LRRTM3: variants seen among roughly 807,000 people sequenced by gnomAD.
LRRTM3 encodes the protein leucine rich repeat transmembrane neuronal 3, also known as leucine-rich repeat transmembrane neuronal protein 3.
LRRTM3 carries 24 observed loss-of-function variants against 44.7 expected under a neutral mutation model. The ratio of observed to expected loss-of-function variants is 0.54; its 90% CI spans 0.39 to 0.76. The LOEUF is 0.76. Among genes scored for constraint, LRRTM3 ranks in the 30% least tolerant of loss-of-function variants. LRRTM3 has a pLI of 0.00. For synonymous variants in LRRTM3, 277 were observed against 278.7 expected (o/e 0.99, Z 0.06); for missense variants, 587 against 702.2 (o/e 0.84, Z 1.85).
intron 2 of LRRTM3, among the ~76,000 whole-genome samples, chr10:66,936,948 AG>A (rs1847738589): frequency 6.6e-6 from 1 of 152,130 alleles, no homozygotes; most frequent in Non-Finnish European, 1.5e-5. Flanking sequence ...AGTTCTTCTT[AG>A]GCAAAGACCT....
intron 2 of LRRTM3, among the ~76,000 whole-genome samples, chr10:66,989,513 A>G (rs1850924717): frequency 1.3e-5 from 2 of 152,176 alleles, no homozygotes; most frequent in South Asian, 2.1e-4. Flanking sequence ...TGATTGTTAT[A>G]TATGTTTGGT....
chr10:67,078,982 C>T (rs1856891828), intron 2 of LRRTM3, among the ~76,000 whole-genome samples: 1 of 152,198 alleles, frequency 6.6e-6, no homozygotes, highest in African/African-American at 2.4e-5. Context: ...ATTTGGCTCC[C>T]ATTAAGAGTT....
rs1847065425 is a variant in LRRTM3, at chr10:66,926,258, CCA to C, written c.-325_-324del. ...TTTCGATAAGAAGAAATTGTAGGAT[CCA>C]GTTTTTTTTTTAACCGCCCCCTCCC... On this transcript the variant is annotated 5_prime_UTR_variant, in exon 1 of 3. Coordinates refer to ENST00000361320, the MANE Select transcript of LRRTM3 (RefSeq NM_178011.5). 6 of 509,830 alleles carry C rather than the reference CCA, an allele frequency of 1.2e-5. No homozygotes were observed. The highest frequency in any genetic ancestry group is 1.8e-5 in the Non-Finnish European group (5 of 279,642). 31.6% of individuals were successfully genotyped at this position (509,830 alleles called of 1,614,324 possible).
intron 2 of LRRTM3, among the ~76,000 whole-genome samples, chr10:67,057,666 G>A (rs1855520183): frequency 6.6e-6 from 1 of 152,102 alleles, no homozygotes; most frequent in African/African-American, 2.4e-5. Flanking sequence ...AGCACCCTCA[G>A]GAAAGTTGTA....
intron 1 of LRRTM3, 52 bp downstream of exon 1, chr10:66,926,639 C>T: frequency 1.3e-6 from 2 of 1,587,738 alleles, no homozygotes; most frequent in African/African-American, 1.3e-5. Flanking sequence ...AAACAAAAAA[C>T]CTCTAGTGTG....
intron 2 of LRRTM3, among the ~76,000 whole-genome samples, chr10:66,969,716 G>C (rs1435755151): frequency 1.3e-5 from 2 of 152,052 alleles, no homozygotes; most frequent in Non-Finnish European, 2.9e-5. Flanking sequence ...CTTCAAACTT[G>C]ATTGCTGGTG....
chr10:66,964,771 A>G (rs932113125), intron 2 of LRRTM3, among the ~76,000 whole-genome samples: 5 of 152,132 alleles, frequency 3.3e-5, no homozygotes, highest in Admixed American at 3.3e-4. Flanking sequence ...GTAGGAGGGA[A>G]AAGGGAGGAG....
intron 2 of LRRTM3, among the ~76,000 whole-genome samples, chr10:66,981,093 G>A (rs1850411227): frequency 6.6e-6 from 1 of 151,896 alleles, no homozygotes; most frequent in African/African-American, 2.4e-5. Flanking sequence ...TTACTAGAGA[G>A]GGATTTCTCC....
At chr10:67,055,017 G>A (rs1040519424) in intron 2 of LRRTM3, 6 of 151,712 alleles carry the variant, frequency 4.0e-5, no homozygotes, top group East Asian at 1.9e-4. Flanking sequence ...AGCTGACTTC[G>A]TTATAAAGAG....
intron 2 of LRRTM3, among the ~76,000 whole-genome samples, chr10:67,016,908 A>C (rs1056632070): frequency 2.6e-5 from 4 of 152,182 alleles, no homozygotes; most frequent in Non-Finnish European, 4.4e-5. Flanking sequence ...ATATCCTATC[A>C]AAATAAGTTT....
At chr10:67,023,680 A>G (rs913622875) in intron 2 of LRRTM3, among the ~76,000 whole-genome samples, 1 of 152,230 alleles carries the variant, frequency 6.6e-6, no homozygotes, top group Non-Finnish European at 1.5e-5. Flanking sequence ...TTGAGTCAAT[A>G]TGTATCGATC....
chr10:67,088,771 C>T (rs1314499233), intron 2 of LRRTM3, among the ~76,000 whole-genome samples: 1 of 151,946 alleles, frequency 6.6e-6, no homozygotes, highest in African/African-American at 2.4e-5. Context: ...TATTTTGTCT[C>T]TCATTATTCT....
In LRRTM3 at chr10:67,097,748, A is replaced by T. The variant is rs756541258; in HGVS notation, c.1698A>T (p.Thr566=). ...THLETELDLS[T]ITTAGRISDH... ...TAGAGACTGAGCTGGACCTGAGCAC[A>T]ATCACAACAGCTGGCCGAATCAGTG... Residue 566 remains threonine (T), a synonymous_variant, in exon 3 of 3, where the codon ACA becomes ACT. Coordinates refer to ENST00000361320, the MANE Select transcript of LRRTM3 (RefSeq NM_178011.5). The T allele has an allele frequency of 1.2e-6, 2 of 1,612,614 alleles. No individual in the cohort carries two copies. The highest frequency in any genetic ancestry group is 2.2e-5 in the South Asian group (2 of 91,066).
chr10:66,951,579 C>G (rs1848543191), intron 2 of LRRTM3, among the ~76,000 whole-genome samples: 1 of 152,110 alleles, frequency 6.6e-6, no homozygotes, highest in African/African-American at 2.4e-5. Context: ...TTGAAGATCA[C>G]AGAGATAGGG....
intron 2 of LRRTM3, among the ~76,000 whole-genome samples, chr10:66,961,437 T>G (rs1231029709): frequency 6.6e-6 from 1 of 152,188 alleles, no homozygotes; most frequent in Non-Finnish European, 1.5e-5. Flanking sequence ...CCTACCATCT[T>G]CATTACATTC....
At chr10:67,048,225 G>T (rs1443827961) in intron 2 of LRRTM3, among the ~76,000 whole-genome samples, 1 of 152,002 alleles carries the variant, frequency 6.6e-6, no homozygotes, top group African/African-American at 2.4e-5. Context: ...CCCTACTCAT[G>T]AAAAATCATT....
intron 2 of LRRTM3, among the ~76,000 whole-genome samples, chr10:67,025,353 A>C (rs1282339727): frequency 2.0e-5 from 3 of 151,592 alleles, no homozygotes; most frequent in Non-Finnish European, 4.4e-5. Flanking sequence ...TCCTCTCCCC[A>C]AACTAAAAAC....
intron 2 of LRRTM3, among the ~76,000 whole-genome samples, chr10:66,941,152 C>A (rs1847975062): frequency 6.6e-6 from 1 of 152,182 alleles, no homozygotes; most frequent in Non-Finnish European, 1.5e-5. Flanking sequence ...GACAATATTT[C>A]CTCAGCTGAG....
chr10:67,068,119 T>C (rs1257227891), intron 2 of LRRTM3, among the ~76,000 whole-genome samples: 2 of 152,164 alleles, frequency 1.3e-5, no homozygotes, highest in Non-Finnish European at 2.9e-5. Context: ...TTTTGGAAAC[T>C]ATTTAGAGAA....
Sources: allele counts gnomAD v4.1 joint callset (sites outside exome capture counted in the v4.1 genomes callset), GRCh38; gene constraint gnomAD v4.1.1; transcripts MANE v1.5; gene names NCBI Gene and HGNC (gene_info 2026-07-23, HGNC 2026-07-21).